The following SSBP2 variants were observed in gnomAD, a reference collection of about 807,000 sequenced individuals.
The protein encoded by SSBP2 is single stranded DNA binding protein 2, also known as single-stranded DNA-binding protein 2.
Under a neutral mutation model 61.8 loss-of-function variants are expected in SSBP2, and 17 were observed. The observed-to-expected ratio is 0.28, with a 90% CI of 0.19 to 0.41. The LOEUF (loss-of-function observed/expected upper bound fraction) is 0.41, where lower values mean the gene tolerates loss of function less well. SSBP2 is among the 10% of genes least tolerant of loss of function. The pLI, the probability that SSBP2 is intolerant of heterozygous loss-of-function variation, is 1.00. For synonymous variants in SSBP2, 139 were observed against 141.3 expected, an observed-to-expected ratio of 0.98 and a Z score of 0.12; for missense variants, 310 against 458.7, an observed-to-expected ratio of 0.68 and a Z score of 2.96.
chr5:81,463,536 C>T (rs1561430719), intron 9 of SSBP2, among the ~76,000 whole-genome samples: 2 of 151,958 alleles, frequency 1.3e-5, no homozygotes, highest in East Asian at 3.9e-4. Flanking sequence ...CCCATCTACA[C>T]AAAAAATACA....
chr5:81,741,100 T>C (rs1561748916), intron 1 of SSBP2, among the ~76,000 whole-genome samples: 1 of 152,214 alleles, frequency 6.6e-6, no homozygotes, highest in Non-Finnish European at 1.5e-5. Context: ...ATCCAGACTA[T>C]ACAATTTACT....
intron 6 of SSBP2, among the ~76,000 whole-genome samples, chr5:81,476,346 A>G (rs1765592950): frequency 1.3e-5 from 2 of 152,134 alleles, no homozygotes; most frequent in Admixed American, 1.3e-4. Flanking sequence ...AACATCATGG[A>G]AGACATGTTA....
At chr5:81,549,337 T>C (rs1771998629) in intron 4 of SSBP2, among the ~76,000 whole-genome samples, 1 of 152,208 alleles carries the variant, frequency 6.6e-6, no homozygotes, top group Admixed American at 6.5e-5. Context: ...ATTGCTGCTG[T>C]GATCACGTCA....
chr5:81,446,014 T>C (rs746419636), intron 12 of SSBP2, among the ~76,000 whole-genome samples: 23 of 152,292 alleles, frequency 1.5e-4, no homozygotes, highest in South Asian at 8.3e-4. Flanking sequence ...ACCTTAAACA[T>C]TAATTTACTA....
intron 1 of SSBP2, among the ~76,000 whole-genome samples, chr5:81,716,774 T>C (rs1158976818): frequency 6.6e-6 from 1 of 152,214 alleles, no homozygotes; most frequent in African/African-American, 2.4e-5. Flanking sequence ...TAATGCCTTA[T>C]TGTAAGTACA....
At chr5:81,747,889 T>C (rs1262528030) in intron 1 of SSBP2, among the ~76,000 whole-genome samples, 1 of 152,140 alleles carries the variant, frequency 6.6e-6, no homozygotes, top group African/African-American at 2.4e-5. Context: ...AATTTCTAAA[T>C]CCCACCTCCC....
chr5:81,502,493 T>C (rs1028746846), intron 5 of SSBP2, among the ~76,000 whole-genome samples: 3 of 152,180 alleles, frequency 2.0e-5, no homozygotes, highest in African/African-American at 7.2e-5. Context: ...GCTTCAAATA[T>C]ATTCCAATCC....
In SSBP2 at chr5:81,489,265, C is replaced by G. The variant is rs776040593; in HGVS notation, c.417G>C (p.Leu139Phe). Reference sequence around the variant, plus strand: ...TAAATCTTACCTGATTAGGTATCCTCAATGGGGGCCTTGGACCTCCAGGGT... The same window carrying G: ...TAAATCTTACCTGATTAGGTATCCTGAATGGGGGCCTTGGACCTCCAGGGT... The change falls in exon 6 of 17, where the codon TTG becomes TTC. Residue 139 changes from leucine (L) to phenylalanine (F), a missense_variant. Leu to Phe is a conservative substitution (Grantham distance 22, BLOSUM62 0). This residue lies in a region of SSBP2 where 209 missense variants were observed against 286.4 expected (regional missense o/e 0.73). Coordinates refer to ENST00000320672, the MANE Select transcript of SSBP2 (RefSeq NM_012446.5). The G allele has an allele frequency of 6.2e-7, 1 of 1,608,720 alleles. No homozygotes were observed.
At chr5:81,579,173 A>G (rs1423912637) in intron 4 of SSBP2, among the ~76,000 whole-genome samples, 1 of 152,234 alleles carries the variant, frequency 6.6e-6, no homozygotes, top group East Asian at 1.9e-4. Context: ...ATAGAAGAAT[A>G]AAAGGAAAAT....
chr5:81,611,951 T>C (rs1363403832), intron 4 of SSBP2, among the ~76,000 whole-genome samples: 2 of 152,128 alleles, frequency 1.3e-5, no homozygotes, highest in Non-Finnish European at 2.9e-5. Flanking sequence ...AACAATACTG[T>C]ATTGTGTACT....
chr5:81,571,158 T>C (rs186457356), intron 4 of SSBP2, among the ~76,000 whole-genome samples: 1 of 152,358 alleles, frequency 6.6e-6, no homozygotes, highest in African/African-American at 2.4e-5. Flanking sequence ...GTCTCCCTAA[T>C]AGTTGTCCAA....
chr5:81,720,849 GTTACACACATT>G (rs1755499330), intron 1 of SSBP2, among the ~76,000 whole-genome samples: 1 of 152,176 alleles, frequency 6.6e-6, no homozygotes, highest in South Asian at 2.1e-4. Context: ...CTGTTGAACT[GTTACACACATT>G]TTCCTGATTA....
intron 6 of SSBP2, among the ~76,000 whole-genome samples, chr5:81,476,127 A>G (rs902137472): frequency 6.6e-6 from 1 of 151,926 alleles, no homozygotes; most frequent in East Asian, 1.9e-4. Context: ...TTTCAGAACT[A>G]CTTAATAGCA....
At chr5:81,597,508 G>A (rs926341526) in intron 4 of SSBP2, among the ~76,000 whole-genome samples, 4 of 152,088 alleles carry the variant, frequency 2.6e-5, no homozygotes, top group African/African-American at 9.7e-5. Flanking sequence ...CCATTACTGG[G>A]TATATACCCA....
At chr5:81,592,900 G>A (rs1190275165) in intron 4 of SSBP2, among the ~76,000 whole-genome samples, 6 of 152,162 alleles carry the variant, frequency 3.9e-5, no homozygotes, top group Non-Finnish European at 7.3e-5. Context: ...AAAAAACAGA[G>A]CAGAAAAACT....
chr5:81,571,204 T>C (rs567440836), intron 4 of SSBP2, among the ~76,000 whole-genome samples: 1 of 152,262 alleles, frequency 6.6e-6, no homozygotes, highest in African/African-American at 2.4e-5. Flanking sequence ...GATTCTGCCA[T>C]AAATCCATAA....
At chr5:81,643,202 T>C (rs983104801) in intron 2 of SSBP2, among the ~76,000 whole-genome samples, 1 of 152,166 alleles carries the variant, frequency 6.6e-6, no homozygotes, top group Non-Finnish European at 1.5e-5. Flanking sequence ...CAGTACCTTT[T>C]TGGGGGTTCT....
intron 1 of SSBP2, among the ~76,000 whole-genome samples, chr5:81,726,255 A>G (rs901017798): frequency 6.6e-6 from 1 of 152,200 alleles, no homozygotes; most frequent in Non-Finnish European, 1.5e-5. Context: ...GAACAAATAC[A>G]GAGCCCTCCG....
chr5:81,571,135 T>G (rs1773808818), intron 4 of SSBP2, among the ~76,000 whole-genome samples: 1 of 152,236 alleles, frequency 6.6e-6, no homozygotes, highest in Admixed American at 6.5e-5. Flanking sequence ...AGCTTTTAGA[T>G]GACACTATTT....
Sources: allele counts gnomAD v4.1 joint callset (sites outside exome capture counted in the v4.1 genomes callset), GRCh38; gene constraint gnomAD v4.1.1; regional missense constraint gnomAD v4.1.1; transcripts MANE v1.5; gene names NCBI Gene and HGNC (gene_info 2026-07-23, HGNC 2026-07-21).